FMR1: variants seen among roughly 807,000 people sequenced by gnomAD.
FMR1 encodes the protein fragile X messenger ribonucleoprotein 1.
FMR1 carries 13 observed loss-of-function variants against 50.6 expected under a neutral mutation model. The ratio of observed to expected loss-of-function variants is 0.26; its 90% CI spans 0.17 to 0.41. The LOEUF is 0.41. Ranked by LOEUF, FMR1 falls within the 10% of genes least tolerant of loss-of-function variation. The pLI is 1.00. For missense variants in FMR1, 316 were observed against 491.3 expected, an observed-to-expected ratio of 0.64 and a Z score of 3.37; for synonymous variants, 138 against 164.1, an observed-to-expected ratio of 0.84 and a Z score of 1.22.
chrX:147,946,996 C>A (rs2124579696), intron 16 of FMR1: 1 of 112,539 alleles, frequency 8.9e-6, no homozygotes, highest in African/African-American at 3.2e-5. Flanking sequence ...TCCACTTAAA[C>A]TGATATGTTT....
At chrX:147,941,639 C>T (rs1053837342) in intron 13 of FMR1, among the ~76,000 whole-genome samples, 3 of 111,405 alleles carry the variant, frequency 2.7e-5, no homozygotes, top group Non-Finnish European at 3.8e-5. Flanking sequence ...AAGGTTTCAT[C>T]CAGCAAGGTT....
intron 13 of FMR1, among the ~76,000 whole-genome samples, chrX:147,941,132 C>G (rs782316492): frequency 4.6e-4 from 51 of 111,810 alleles, no homozygotes; most frequent in African/African-American, 1.6e-3. Context: ...CTATTTGTGT[C>G]TTCTCATAAA....
chrX:147,933,451 G>A (rs1557179152), intron 9 of FMR1: 1 of 1,000,096 alleles, frequency 1.0e-6, no homozygotes, highest in East Asian at 4.1e-5. Flanking sequence ...TCCAAAGCTA[G>A]AAGAAACTTC....
intron 16 of FMR1, chrX:147,947,141 G>A (rs1354489558): frequency 0.016 from 1 of 64 alleles, no homozygotes; most frequent in East Asian, 0.25. Flanking sequence ...GCCAGGCGCG[G>A]TGCTCACGCC....
At chrX:147,940,160 CAAAAAAAAAAAAAAAAAAACAA>C (rs1793550455) in intron 12 of FMR1, 1 of 30,512 alleles carries the variant, frequency 3.3e-5, no homozygotes, top group East Asian at 9.0e-4. Context: ...GACTCCGTCT[CAAAAAAAAAAAAAAAAAAACAA>C]AAAAGAAAAA....
chrX:147,935,897 G>A (rs1172446544), intron 9 of FMR1, among the ~76,000 whole-genome samples: 3 of 112,036 alleles, frequency 2.7e-5, no homozygotes, highest in Non-Finnish European at 5.6e-5. Flanking sequence ...ATGCACAGGA[G>A]TGATACTCTG....
In FMR1 at chrX:147,943,618, A is replaced by G. The variant is rs1557181377; in HGVS notation, c.1471+292A>G. 9.7e-6 allele frequency: 3 copies of G among 310,275 alleles called. 1 individual carries two copies. The highest frequency in any genetic ancestry group is 1.7e-5 in the Non-Finnish European group (3 of 177,322). The allele number at this position is 310,275 out of a possible 1,213,427, so 25.6% of individuals were successfully genotyped here. A position where few individuals can be genotyped will look rare whatever the true frequency, so the allele number is the denominator to read the frequency against. On this transcript the variant is annotated intron_variant, in intron 14 of 16. Transcript: ENST00000370475. ...TCCTGATTTTATAACTGTATAGTCA[A>G]AACTTTTTTCATTTGTGTACTGTGG... is the stretch of plus-strand genomic sequence containing the variant.
At chrX:147,915,508 C>T (rs889431148) in intron 1 of FMR1, among the ~76,000 whole-genome samples, 4 of 110,955 alleles carry the variant, frequency 3.6e-5, no homozygotes, top group Non-Finnish European at 5.7e-5. Flanking sequence ...GTCTGATTGC[C>T]CTTTTTAGTT....
chrX:147,943,410 T>A (rs1163267749), intron 14 of FMR1, 84 bp downstream of exon 14: 1 of 878,383 alleles, frequency 1.1e-6, no homozygotes, highest in Non-Finnish European at 1.7e-6. Context: ...AGAACCCCAT[T>A]ATAACAATTT....
intron 3 of FMR1, 22 bp downstream of exon 3, chrX:147,925,655 G>A (rs1248131129): frequency 4.7e-5 from 47 of 996,559 alleles, no homozygotes; most frequent in Admixed American, 6.6e-5. Context: ...CTGCCATAAA[G>A]TCATTTAGCA....
At chrX:147,930,877 C>T (rs1490125032) in intron 7 of FMR1, 3 of 111,392 alleles carry the variant, frequency 2.7e-5, no homozygotes, top group African/African-American at 9.8e-5. Flanking sequence ...TTCCAGAGTT[C>T]GTCATCATTA....
chrX:147,923,339 A>G (rs1385337677), intron 2 of FMR1, among the ~76,000 whole-genome samples: 1 of 112,152 alleles, frequency 8.9e-6, no homozygotes, highest in Non-Finnish European at 1.9e-5. Context: ...TGTTTCATAT[A>G]TCCATGGCTA....
chrX:147,945,175 C>CA, intron 15 of FMR1, 124 bp downstream of exon 15: 1 of 1,019,405 alleles, frequency 9.8e-7, no homozygotes, highest in Non-Finnish European at 1.3e-6. Context: ...GTGCTGATAC[C>CA]ATAGGAAAGG....
intron 1 of FMR1, among the ~76,000 whole-genome samples, chrX:147,918,172 T>G (rs144062911): frequency 0.026 from 2,846 of 109,970 alleles, 102 homozygotes; most frequent in African/African-American, 0.09. Flanking sequence ...GGGTGAGTGG[T>G]GGATAAGGGG....
At chrX:147,917,565 C>G (rs2042935032) in intron 1 of FMR1, among the ~76,000 whole-genome samples, 1 of 108,955 alleles carries the variant, frequency 9.2e-6, no homozygotes, top group South Asian at 4.0e-4. Context: ...TATTAAGTAT[C>G]TTTGTGGAAA....
At chrX:147,928,612 C>T (rs782792994) in intron 4 of FMR1, 47 bp from the exon 5 acceptor site, 1 of 1,110,616 alleles carries the variant, frequency 9.0e-7, no homozygotes, top group Non-Finnish European at 1.2e-6. Flanking sequence ...ACTTCTTATT[C>T]TTACTTTAAA....
rs1326086192 is a variant in FMR1 at position 147,913,551 on chromosome X, TAAAC to T, written c.51+1324_51+1327del. 4.5e-5 allele frequency: 5 copies of T among 112,061 alleles called. No individual in the cohort carries two copies. In the Admixed American group the frequency reaches 4.7e-4, roughly 11 times the overall value. 9.2% of individuals were successfully genotyped at this position (112,061 alleles called of 1,213,427 possible). A position where few individuals can be genotyped will look rare whatever the true frequency, so the allele number is the denominator to read the frequency against. On this transcript the variant is annotated intron_variant, in intron 1 of 16. Transcript: ENST00000370475. ...CAGGACACGTTTGGCTATAGGAAAA[TAAAC>T]AATTGACTTTATTCTGTGTTTACCA...
At chrX:147,928,194 G>A in intron 3 of FMR1, 128 bp from the exon 4 acceptor site, 8 of 566,062 alleles carry the variant, frequency 1.4e-5, no homozygotes, top group Non-Finnish European at 2.1e-5. Context: ...ATTTGGTTGA[G>A]GATATATGAC....
chrX:147,945,355 A>G (rs1255615338), intron 15 of FMR1, among the ~76,000 whole-genome samples, 179 bp from the exon 16 acceptor site: 1 of 112,543 alleles, frequency 8.9e-6, no homozygotes, highest in East Asian at 2.8e-4. Context: ...TAACTGTGAA[A>G]TATTTTCTGT....
Sources: allele counts gnomAD v4.1 joint callset (sites outside exome capture counted in the v4.1 genomes callset), GRCh38; gene constraint gnomAD v4.1.1; transcripts MANE v1.5; gene names NCBI Gene and HGNC (gene_info 2026-07-23, HGNC 2026-07-21).